Variants in PCDHA4 observed in about 807,000 individuals in gnomAD.
PCDHA4 encodes protocadherin alpha 4, also known as protocadherin alpha-4.
A neutral mutation model predicts 61.4 loss-of-function variants in PCDHA4; 49 were observed. The observed-to-expected ratio is 0.80, with a 90% CI of 0.63 to 1.01. The LOEUF (loss-of-function observed/expected upper bound fraction) is 1.01, where lower values mean the gene tolerates loss of function less well. PCDHA4 is among the 50% of genes least tolerant of loss of function. The pLI is 0.00. For synonymous variants in PCDHA4, 590 were observed against 550.3 expected (o/e 1.07, Z -1.01); for missense variants, 1,254 against 1,235.8 (o/e 1.01, Z -0.22).
chr5:140,989,949 G>A (rs551733184), intron 3 of PCDHA4, among the ~76,000 whole-genome samples: 3 of 152,064 alleles, frequency 2.0e-5, no homozygotes, highest in South Asian at 2.1e-4. Context: ...CGTTTTTCTC[G>A]GTGAGACCAA....
chr5:140,892,874 C>T (rs1157291129), intron 1 of PCDHA4, among the ~76,000 whole-genome samples: 2 of 152,148 alleles, frequency 1.3e-5, no homozygotes, highest in Non-Finnish European at 2.9e-5. Flanking sequence ...GCTATAATTT[C>T]GTATCCATTA....
intron 1 of PCDHA4, chr5:140,822,201 A>G: frequency 6.2e-7 from 1 of 1,614,246 alleles, no homozygotes; most frequent in Non-Finnish European, 8.5e-7. Context: ...TATTCATTTT[A>G]GAGTCAAGAA....
intron 1 of PCDHA4, chr5:140,877,085 G>T: frequency 6.2e-7 from 1 of 1,613,214 alleles, no homozygotes; most frequent in Non-Finnish European, 8.5e-7. Context: ...GTGAGCGCGC[G>T]CGACGCCGGC....
intron 1 of PCDHA4, chr5:140,848,977 A>T (rs2150427682): frequency 1.2e-6 from 2 of 1,600,464 alleles, no homozygotes; most frequent in South Asian, 1.1e-5. Flanking sequence ...TCCGATGCAG[A>T]TATCGGGGAG....
Position 141,010,322 on chromosome 5 carries a change from C to G in PCDHA4, c.*385C>G. 6.5e-7 allele frequency: 1 copy of G among 1,540,986 alleles called. No homozygotes were observed. The highest frequency in any genetic ancestry group is 8.7e-7 in the Non-Finnish European group (1 of 1,143,174). Reference sequence around the variant, plus strand: ...GCTGAAAAGTTTTGAGATTGAGCAGCTTGGGAGTTTGTGGCCACTGGGTAT... The same window carrying G: ...GCTGAAAAGTTTTGAGATTGAGCAGGTTGGGAGTTTGTGGCCACTGGGTAT... On this transcript the variant is annotated 3_prime_UTR_variant, in exon 4 of 4. Transcript: ENST00000530339.
At chr5:140,862,926 G>C in intron 1 of PCDHA4, 1 of 546,060 alleles carries the variant, frequency 1.8e-6, no homozygotes, top group South Asian at 1.4e-5. Context: ...GGGTGGGCTG[G>C]CGGCGCTGTG....
intron 1 of PCDHA4, chr5:140,822,891 C>A (rs2150120140): frequency 1.9e-6 from 3 of 1,614,226 alleles, no homozygotes; most frequent in Non-Finnish European, 2.5e-6. Context: ...CTCTGATCAG[C>A]GTGTCTGACC....
At chr5:140,930,013 G>A (rs2086530432) in intron 1 of PCDHA4, 1 of 152,118 alleles carries the variant, frequency 6.6e-6, no homozygotes, top group Admixed American at 6.5e-5. Context: ...ATAGCTGATA[G>A]CTCCATAGCA....
At chr5:140,857,171 G>A in intron 1 of PCDHA4, 1 of 1,598,424 alleles carries the variant, frequency 6.3e-7, no homozygotes, top group South Asian at 1.1e-5. Flanking sequence ...CAGCGTTTCT[G>A]ACCATGATTC....
chr5:140,941,190 TTTTTCTTTCTTC>T (rs1475511565), intron 1 of PCDHA4, among the ~76,000 whole-genome samples: 3 of 129,438 alleles, frequency 2.3e-5, no homozygotes, highest in South Asian at 2.5e-4. Context: ...TGCTTCTTTT[TTTTTCTTTCTTC>T]CTTTCTTTCT....
chr5:140,807,099 G>T lies in PCDHA4; in HGVS notation c.-89G>T. 2 of 1,404,386 alleles carry T rather than the reference G, an allele frequency of 1.4e-6. No individual in the cohort carries two copies. The highest frequency in any genetic ancestry group is 2.0e-6 in the Non-Finnish European group (2 of 1,025,048). The allele number at this position is 1,404,386 out of a possible 1,614,324, so 87.0% of individuals were successfully genotyped here. The stretch of plus-strand genomic sequence containing the variant: ...ACTCTTTGGAGTCTGAAATATGGAG[G>T]ATGCAGCTGCACTTGACTGACCGAT... On this transcript the variant is annotated 5_prime_UTR_variant, in exon 1 of 4. Coordinates refer to ENST00000530339, the MANE Select transcript of PCDHA4 (RefSeq NM_018907.4).
In PCDHA4 at chr5:140,852,083, T is replaced by C; in HGVS notation, c.2385+42511T>C. 2 of 899,622 alleles carry C rather than the reference T, an allele frequency of 2.2e-6. 1 individual carries two copies. Among genetic ancestry groups the C allele is most frequent in the Non-Finnish European group, 2.7e-6 (2 of 737,816 alleles). The allele number at this position is 899,622 out of a possible 1,614,324, so 55.7% of individuals were successfully genotyped here. A position where few individuals can be genotyped will look rare whatever the true frequency, so the allele number is the denominator to read the frequency against. On this transcript the variant is annotated intron_variant, in intron 1 of 3. Coordinates refer to ENST00000530339, the MANE Select transcript of PCDHA4 (RefSeq NM_018907.4). The stretch of plus-strand genomic sequence containing the variant: ...TTCTTTCTCTTTCAGCTATTTTATT[T>C]AATATTGTGTCAGATATTTTACAAG...
chr5:140,934,580 T>C lies in PCDHA4; in HGVS notation c.2386-44369T>C, dbSNP rs531235009. 3.9e-5 allele frequency among the ~76,000 whole-genome samples: 6 copies of C among 152,296 alleles called. No individual in the cohort carries two copies. In the East Asian group the frequency reaches 1.2e-3, roughly 29 times the overall value. On this transcript the variant is annotated intron_variant, in intron 1 of 3. Transcript: ENST00000530339. ...CTTTTTTTTAATTAATTGTAACATT[T>C]CTGTAATGGGTCTTCAACTATTTGA...
chr5:140,819,333 C>T (rs2150103874), intron 1 of PCDHA4, among the ~76,000 whole-genome samples: 20 of 152,126 alleles, frequency 1.3e-4, no homozygotes, highest in African/African-American at 4.6e-4. Flanking sequence ...GAATAAAGGA[C>T]ATTTGTACCC....
chr5:140,884,819 A>G (rs782729760), intron 1 of PCDHA4: 398 of 1,018,150 alleles, frequency 3.9e-4, no homozygotes, highest in Admixed American at 1.1e-3. Context: ...TGTGGACATT[A>G]TGTGTTGGAT....
intron 1 of PCDHA4, among the ~76,000 whole-genome samples, chr5:140,936,528 T>C (rs2091012406): frequency 6.6e-6 from 1 of 152,244 alleles, no homozygotes; most frequent in Non-Finnish European, 1.5e-5. Flanking sequence ...TGAAATTGCT[T>C]TTGAATATAG....
chr5:140,882,178 C>A (rs2058992068), intron 1 of PCDHA4: 1 of 1,517,822 alleles, frequency 6.6e-7, no homozygotes, highest in Non-Finnish European at 8.8e-7. Flanking sequence ...TCCTTCCGCA[C>A]TAGGAAGCCA....
In PCDHA4 at chr5:140,869,946, A is replaced by G. The variant is rs557838493; in HGVS notation, c.2385+60374A>G. 13 of 1,612,442 alleles carry G rather than the reference A, an allele frequency of 8.1e-6. No individual in the cohort carries two copies. In the African/African-American group the frequency reaches 9.3e-5, roughly 12 times the overall value. ...TCAATGGAGAGGTAACATACTCCTTAATGTCAATTAAGCCCAATGGAAGAC... is the reference window on the plus strand; with the variant it reads ...TCAATGGAGAGGTAACATACTCCTTGATGTCAATTAAGCCCAATGGAAGAC... On this transcript the variant is annotated intron_variant, in intron 1 of 3. Transcript: ENST00000530339.
chr5:140,823,418 T>C, intron 1 of PCDHA4: 1 of 1,613,286 alleles, frequency 6.2e-7, no homozygotes, highest in Non-Finnish European at 8.5e-7. Flanking sequence ...GGCAGCAACG[T>C]GACGCTGCAG....
Sources: allele counts gnomAD v4.1 joint callset (sites outside exome capture counted in the v4.1 genomes callset), GRCh38; gene constraint gnomAD v4.1.1; transcripts MANE v1.5; gene names NCBI Gene and HGNC (gene_info 2026-07-23, HGNC 2026-07-21).